Variants in SPIDR observed in about 807,000 individuals in gnomAD.
The protein encoded by SPIDR is DNA repair-scaffolding protein.
In SPIDR, 93 loss-of-function variants were observed where a neutral mutation model predicts 104.6. The observed-to-expected ratio is 0.89, with a 90% CI of 0.75 to 1.06. The LOEUF (loss-of-function observed/expected upper bound fraction) is 1.06, where lower values mean the gene tolerates loss of function less well. Among genes scored for constraint, SPIDR ranks in the 50% least tolerant of loss-of-function variants. SPIDR has a pLI of 0.00. For synonymous variants in SPIDR, 431 were observed against 416.9 expected, an observed-to-expected ratio of 1.03 and a Z score of -0.41; for missense variants, 1,154 against 1,111.2, an observed-to-expected ratio of 1.04 and a Z score of -0.55.
intron 5 of SPIDR, among the ~76,000 whole-genome samples, chr8:47,369,522 T>C (rs2057707924): frequency 6.6e-6 from 1 of 152,224 alleles, no homozygotes; most frequent in Admixed American, 6.5e-5. Context: ...CTGCCCTCTT[T>C]GGCCACTTCT....
At chr8:47,294,326 CAT>C (rs1198241440) in intron 5 of SPIDR, 11 of 279,922 alleles carry the variant, frequency 3.9e-5, no homozygotes, top group South Asian at 1.5e-4. Flanking sequence ...TGGAATTGCA[CAT>C]GTCAGCCACC....
intron 8 of SPIDR, among the ~76,000 whole-genome samples, chr8:47,489,301 T>G (rs536589042): frequency 6.6e-6 from 1 of 152,320 alleles, no homozygotes; most frequent in South Asian, 2.1e-4. Context: ...ACAAGGGATG[T>G]GAAGGACCTC....
intron 10 of SPIDR, among the ~76,000 whole-genome samples, chr8:47,613,555 C>G (rs73567594): frequency 2.0e-5 from 3 of 152,152 alleles, no homozygotes; most frequent in Non-Finnish European, 4.4e-5. Context: ...ATGTGTTTAA[C>G]TTTTTGAGGA....
chr8:47,427,480 A>G (rs1554685832), intron 7 of SPIDR, among the ~76,000 whole-genome samples: 1 of 152,188 alleles, frequency 6.6e-6, no homozygotes, highest in African/African-American at 2.4e-5. Flanking sequence ...ATTCAATAAC[A>G]AGACTGGTTT....
chr8:47,381,929 C>G (rs1171453302), intron 5 of SPIDR, among the ~76,000 whole-genome samples: 1 of 152,214 alleles, frequency 6.6e-6, no homozygotes, highest in Non-Finnish European at 1.5e-5. Context: ...TCCCTTTGTT[C>G]TACCAGCTGG....
chr8:47,698,795 AGGTGCCTTTTACACG>A (rs2079705777), intron 11 of SPIDR, among the ~76,000 whole-genome samples: 1 of 152,226 alleles, frequency 6.6e-6, no homozygotes, highest in Non-Finnish European at 1.5e-5. Context: ...AATATGTCAC[AGGTGCCTTTTACACG>A]GGGCTCTCTA....
intron 5 of SPIDR, among the ~76,000 whole-genome samples, chr8:47,307,464 C>G (rs1340162169): frequency 6.6e-6 from 1 of 151,540 alleles, no homozygotes; most frequent in Non-Finnish European, 1.5e-5. Context: ...GGTGATCCAC[C>G]CACCTTGGCC....
At chr8:47,405,824 G>A (rs565269267) in intron 6 of SPIDR, among the ~76,000 whole-genome samples, 71 of 152,238 alleles carry the variant, frequency 4.7e-4, no homozygotes, top group African/African-American at 1.7e-3. Context: ...ACTAGAAATA[G>A]GATTGTTGAT....
chr8:47,516,219 CA>C (rs2083116837), intron 8 of SPIDR, among the ~76,000 whole-genome samples: 1 of 152,146 alleles, frequency 6.6e-6, no homozygotes, highest in Non-Finnish European at 1.5e-5. Context: ...GCTGGGATTG[CA>C]GGCATGAACC....
intron 8 of SPIDR, among the ~76,000 whole-genome samples, chr8:47,521,725 CTTTATTTT>C (rs1322788944): frequency 6.6e-6 from 1 of 151,652 alleles, no homozygotes; most frequent in Non-Finnish European, 1.5e-5. Context: ...CCTGGCCACT[CTTTATTTT>C]TTTATTTTCC....
intron 8 of SPIDR, among the ~76,000 whole-genome samples, chr8:47,491,247 A>ATT (rs1302604458): frequency 3.3e-5 from 5 of 152,110 alleles, no homozygotes; most frequent in Admixed American, 2.0e-4. Flanking sequence ...AAATAGAATA[A>ATT]ACACTGTCAG....
chr8:47,261,102 G>A, intron 1 of SPIDR, 111 bp downstream of exon 1: 1 of 1,147,446 alleles, frequency 8.7e-7, no homozygotes, highest in Non-Finnish European at 1.1e-6. Flanking sequence ...GTGGGCGTTG[G>A]GGGTGAAGGG....
chr8:47,591,426 C>CTATT (rs151285704), intron 8 of SPIDR, among the ~76,000 whole-genome samples: 5,635 of 149,584 alleles, frequency 0.038, 93 homozygotes, highest in Middle Eastern at 0.048. Context: ...CTTTCCCTCC[C>CTATT]TATTTATTTA....
At chr8:47,670,214 A>T (rs1359880889) in intron 10 of SPIDR, among the ~76,000 whole-genome samples, 1 of 152,054 alleles carries the variant, frequency 6.6e-6, no homozygotes, top group Non-Finnish European at 1.5e-5. Flanking sequence ...CTTGGCCTGG[A>T]CTTCCCTATT....
chr8:47,482,110 C>T (rs2076961784), intron 8 of SPIDR, among the ~76,000 whole-genome samples: 1 of 152,174 alleles, frequency 6.6e-6, no homozygotes, highest in African/African-American at 2.4e-5. Context: ...ACCTGAAGTA[C>T]GTACTTCCCT....
Position 47,546,273 on chromosome 8 carries a change from C to T in SPIDR, c.1098-49538C>T, listed in dbSNP as rs538615201. ...TTGGGAAATTTTGAAATCACAATAC[C>T]AATTTACTTAGTAGTCATAGGGCTA... On this transcript the variant is annotated intron_variant, in intron 8 of 19. Transcript: ENST00000297423. 1.3e-3 allele frequency among the ~76,000 whole-genome samples: 192 copies of T among 152,130 alleles called. 1 individual carries two copies. The highest frequency in any genetic ancestry group is 2.0e-3 in the Non-Finnish European group (136 of 67,998).
At chr8:47,453,804 A>C (rs1179154052) in intron 8 of SPIDR, among the ~76,000 whole-genome samples, 2 of 152,234 alleles carry the variant, frequency 1.3e-5, no homozygotes, top group Non-Finnish European at 2.9e-5. Flanking sequence ...CAGCCCCATC[A>C]AAAACTGGGC....
At chr8:47,416,550 G>A (rs1170729661) in intron 7 of SPIDR, among the ~76,000 whole-genome samples, 16 of 152,024 alleles carry the variant, frequency 1.1e-4, no homozygotes, top group African/African-American at 3.1e-4. Flanking sequence ...TCAAGATTGC[G>A]ATTGTCAGGT....
chr8:47,590,918 T>C (rs2060930555), intron 8 of SPIDR, among the ~76,000 whole-genome samples: 1 of 152,204 alleles, frequency 6.6e-6, no homozygotes, highest in African/African-American at 2.4e-5. Flanking sequence ...ATTTGGAGTT[T>C]TCTGTGCTCT....
Sources: allele counts gnomAD v4.1 joint callset (sites outside exome capture counted in the v4.1 genomes callset), GRCh38; gene constraint gnomAD v4.1.1; transcripts MANE v1.5; gene names NCBI Gene and HGNC (gene_info 2026-07-23, HGNC 2026-07-21).